GRIK4: variants seen among roughly 807,000 people sequenced by gnomAD.
The protein encoded by GRIK4 is glutamate ionotropic receptor kainate type subunit 4.
A neutral mutation model predicts 104.9 loss-of-function variants in GRIK4; 40 were observed. That is an observed-to-expected ratio of 0.38 (90% confidence interval 0.30 to 0.50). GRIK4 has a LOEUF of 0.50. Ranked by LOEUF, GRIK4 falls within the 20% of genes least tolerant of loss-of-function variation. The pLI is 0.93. For synonymous variants in GRIK4, 485 were observed against 524.9 expected (o/e 0.92, Z 1.04); for missense variants, 1,047 against 1,308.1 (o/e 0.80, Z 3.08).
At chr11:120,887,367 T>G (rs1955152083) in intron 11 of GRIK4, among the ~76,000 whole-genome samples, 1 of 152,136 alleles carries the variant, frequency 6.6e-6, no homozygotes, top group Non-Finnish European at 1.5e-5. Flanking sequence ...TTGCTGACAC[T>G]CACAAAAGTA....
intron 1 of GRIK4, among the ~76,000 whole-genome samples, chr11:120,649,739 C>T (rs1949593486): frequency 1.3e-5 from 2 of 152,210 alleles, no homozygotes; most frequent in African/African-American, 4.8e-5. Flanking sequence ...CAGGACTGCT[C>T]ATCTCCTCCC....
intron 11 of GRIK4, among the ~76,000 whole-genome samples, chr11:120,888,384 T>C (rs2134443006): frequency 6.6e-6 from 1 of 152,288 alleles, no homozygotes; most frequent in South Asian, 2.1e-4. Flanking sequence ...ACAAGGATGA[T>C]GGCAGTATTT....
chr11:120,512,229 C>G (rs1947670281), intron 1 of GRIK4, among the ~76,000 whole-genome samples: 2 of 152,072 alleles, frequency 1.3e-5, no homozygotes, highest in South Asian at 4.2e-4. Context: ...TCCTCCCGCT[C>G]TGGTCCTCCC....
chr11:120,514,036 G>A (rs1013077571), intron 1 of GRIK4, among the ~76,000 whole-genome samples: 4 of 152,170 alleles, frequency 2.6e-5, no homozygotes, highest in African/African-American at 9.7e-5. Context: ...CAGGAGAGAG[G>A]AGCTCAGCTG....
chr11:120,912,766 G>C (rs915012506), intron 13 of GRIK4, among the ~76,000 whole-genome samples: 1 of 152,224 alleles, frequency 6.6e-6, no homozygotes, highest in Admixed American at 6.5e-5. Flanking sequence ...GTAAGCAGCT[G>C]CTCAGAATTG....
At chr11:120,807,636 A>G (rs1402622826) in intron 4 of GRIK4, among the ~76,000 whole-genome samples, 2 of 151,974 alleles carry the variant, frequency 1.3e-5, no homozygotes, top group African/African-American at 4.8e-5. Flanking sequence ...AGTTCAACAG[A>G]GTCAGTTGAA....
rs200829611 is a variant in GRIK4, at chr11:120,896,097, A to ACC, written c.1165-2435_1165-2434insCC. Among the ~76,000 whole-genome samples the ACC allele has an allele frequency of 8.0e-3, 1,221 of 152,336 alleles. 9 individuals carry two copies. The highest frequency in any genetic ancestry group is 0.027 in the Middle Eastern group (8 of 294). On this transcript the variant is annotated intron_variant, in intron 11 of 20. Transcript: ENST00000527524. ...CCAGGCCCAGAGCAAGGGCACAAGC[A>ACC]TAAGTATAAGACCAGCACCTGCTGT...
chr11:120,904,932 C>T (rs889080153), intron 12 of GRIK4, among the ~76,000 whole-genome samples: 7 of 152,138 alleles, frequency 4.6e-5, no homozygotes, highest in Non-Finnish European at 4.4e-5. Flanking sequence ...ATCCTTATAT[C>T]TCTGATAATG....
At chr11:120,754,109 CA>C (rs1951611216) in intron 3 of GRIK4, among the ~76,000 whole-genome samples, 1 of 152,136 alleles carries the variant, frequency 6.6e-6, no homozygotes, top group African/African-American at 2.4e-5. Flanking sequence ...TGACTCATTG[CA>C]ACCTCCACTT....
chr11:120,807,536 C>T (rs899352360), intron 4 of GRIK4, among the ~76,000 whole-genome samples: 6 of 152,336 alleles, frequency 3.9e-5, no homozygotes, highest in African/African-American at 1.4e-4. Flanking sequence ...ACCTCCTGCA[C>T]AGGCTTCCAA....
At chr11:120,536,084 T>G (rs1420650059) in intron 1 of GRIK4, among the ~76,000 whole-genome samples, 4 of 152,246 alleles carry the variant, frequency 2.6e-5, no homozygotes, top group South Asian at 4.1e-4. Flanking sequence ...CCTTGAAGTA[T>G]TGTGTGTAGC....
At chr11:120,795,876 G>A (rs543299758) in intron 3 of GRIK4, among the ~76,000 whole-genome samples, 108 of 152,220 alleles carry the variant, frequency 7.1e-4, no homozygotes, top group African/African-American at 2.5e-3. Context: ...CGTAGTATTT[G>A]CATATAACTT....
chr11:120,539,385 T>C (rs1591682513), intron 1 of GRIK4, among the ~76,000 whole-genome samples: 2 of 152,224 alleles, frequency 1.3e-5, no homozygotes, highest in East Asian at 3.9e-4. Context: ...CTTATGTTCG[T>C]ATCCACTTCG....
intron 3 of GRIK4, among the ~76,000 whole-genome samples, chr11:120,707,706 G>A (rs115706374): frequency 0.012 from 1,774 of 152,306 alleles, 35 homozygotes; most frequent in African/African-American, 0.041. Context: ...TCAGCTGAAT[G>A]GGCAGCTAGA....
intron 6 of GRIK4, among the ~76,000 whole-genome samples, chr11:120,823,052 C>T (rs1252038932): frequency 7.2e-5 from 11 of 152,302 alleles, no homozygotes; most frequent in Middle Eastern, 3.4e-3. Flanking sequence ...GACTGCCACA[C>T]GCCCATTTTG....
chr11:120,747,837 G>C (rs947568509), intron 3 of GRIK4, among the ~76,000 whole-genome samples: 6 of 152,172 alleles, frequency 3.9e-5, no homozygotes, highest in Admixed American at 3.9e-4. Context: ...CGTGTGCGTG[G>C]CTACGCACAC....
At chr11:120,527,486 C>A (rs777400648) in intron 1 of GRIK4, among the ~76,000 whole-genome samples, 1 of 152,204 alleles carries the variant, frequency 6.6e-6, no homozygotes, top group African/African-American at 2.4e-5. Context: ...AGCAGGGAGC[C>A]GCTGCAAGTT....
intron 20 of GRIK4, among the ~76,000 whole-genome samples, chr11:120,982,753 T>A (rs529223013): frequency 3.3e-4 from 49 of 149,026 alleles, no homozygotes; most frequent in Middle Eastern, 3.4e-3. Context: ...AGATTTTTTT[T>A]AAAAGTTACA....
intron 3 of GRIK4, among the ~76,000 whole-genome samples, chr11:120,739,328 C>G (rs1374292378): frequency 6.6e-6 from 1 of 152,246 alleles, no homozygotes; most frequent in African/African-American, 2.4e-5. Context: ...TGGGGCCAAT[C>G]TTAGCTGATC....
Sources: allele counts gnomAD v4.1 joint callset (sites outside exome capture counted in the v4.1 genomes callset), GRCh38; gene constraint gnomAD v4.1.1; transcripts MANE v1.5; gene names NCBI Gene and HGNC (gene_info 2026-07-23, HGNC 2026-07-21).